HCLS1: variants seen among roughly 807,000 people sequenced by gnomAD.
The protein encoded by HCLS1 is hematopoietic lineage cell-specific protein.
In HCLS1, 44 loss-of-function variants were observed where a neutral mutation model predicts 68.6. The observed-to-expected ratio is 0.64, with a 90% CI of 0.50 to 0.82. HCLS1 has a LOEUF of 0.82. Among genes scored for constraint, HCLS1 ranks in the 40% least tolerant of loss-of-function variants. HCLS1 has a pLI of 0.00. For missense variants in HCLS1, 602 were observed against 612.1 expected, an observed-to-expected ratio of 0.98 and a Z score of 0.17; for synonymous variants, 217 against 225.8, an observed-to-expected ratio of 0.96 and a Z score of 0.35.
chr3:121,633,936 G>A (rs754813274), intron 10 of HCLS1, among the ~76,000 whole-genome samples: 7 of 152,170 alleles, frequency 4.6e-5, no homozygotes, highest in Non-Finnish European at 7.3e-5. Context: ...CTGAAGTGAC[G>A]GCCCCTTCCT....
chr3:121,656,230 T>C (rs948983995), intron 3 of HCLS1: 2 of 152,322 alleles, frequency 1.3e-5, no homozygotes, highest in African/African-American at 4.8e-5. Flanking sequence ...AGTATGTTGC[T>C]TGTGCAATGT....
chr3:121,658,854 G>C (rs1234711948), intron 1 of HCLS1, among the ~76,000 whole-genome samples: 13 of 152,166 alleles, frequency 8.5e-5, no homozygotes, highest in Non-Finnish European at 4.4e-5. Context: ...ACTACACTGA[G>C]AATTTTTCCA....
chr3:121,632,440 A>T lies in HCLS1; in HGVS notation c.1132T>A (p.Tyr378Asn). ...CTGTCCATCTCCTCAACGTCCTCATAGTCATTCTCAGGCTCGGGCTCAGGC... is the reference window on the plus strand; with the variant it reads ...CTGTCCATCTCCTCAACGTCCTCATTGTCATTCTCAGGCTCGGGCTCAGGC... Reference protein sequence around the residue: ...PEPEPEPENDYEDVEEMDRHE... With the variant: ...PEPEPEPENDNEDVEEMDRHE... Residue 378 changes from tyrosine (Y) to asparagine (N), a missense_variant, in exon 12 of 14, where the codon TAT (tyrosine) becomes AAT (asparagine). Coordinates refer to ENST00000314583, the MANE Select transcript of HCLS1 (RefSeq NM_005335.6). The T allele has an allele frequency of 6.7e-7, 1 of 1,495,402 alleles. No homozygotes were observed. The highest frequency in any genetic ancestry group is 9.2e-7 in the Non-Finnish European group (1 of 1,086,508). 92.6% of individuals were successfully genotyped at this position (1,495,402 alleles called of 1,614,324 possible). A position where few individuals can be genotyped will look rare whatever the true frequency, so the allele number is the denominator to read the frequency against.
chr3:121,636,218 T>A (rs557606670), intron 8 of HCLS1, among the ~76,000 whole-genome samples: 1 of 152,336 alleles, frequency 6.6e-6, no homozygotes, highest in Admixed American at 6.5e-5. Context: ...TGTCTCTCTG[T>A]ATGCCTCTCC....
chr3:121,635,273 CT>C, intron 9 of HCLS1, among the ~76,000 whole-genome samples: 1 of 141,144 alleles, frequency 7.1e-6, no homozygotes, highest in Non-Finnish European at 1.5e-5. Context: ...CTCTCTCTCT[CT>C]CCTCTCTCTC....
intron 10 of HCLS1, among the ~76,000 whole-genome samples, chr3:121,633,959 A>G (rs1466065771): frequency 6.6e-6 from 1 of 152,240 alleles, no homozygotes; most frequent in Non-Finnish European, 1.5e-5. Context: ...TAGTTCCTAC[A>G]GCAATAATTG....
At chr3:121,647,579 A>T in intron 3 of HCLS1, 131 bp from the exon 4 acceptor site, 1 of 816,476 alleles carries the variant, frequency 1.2e-6, no homozygotes. Flanking sequence ...AAAATATACT[A>T]GTGATGGGTC....
chr3:121,635,046 C>T (rs1560137274), intron 9 of HCLS1, among the ~76,000 whole-genome samples: 3 of 151,992 alleles, frequency 2.0e-5, no homozygotes, highest in South Asian at 2.1e-4. Context: ...CAACCTCATC[C>T]GAAACTCCTG....
chr3:121,647,193 G>T, intron 4 of HCLS1, 126 bp downstream of exon 4: 1 of 893,126 alleles, frequency 1.1e-6, no homozygotes, highest in Non-Finnish European at 1.7e-6. Context: ...GTGTTAGCCA[G>T]GATGGTCTCG....
chr3:121,658,389 G>C (rs750428338), intron 1 of HCLS1, 42 bp from the exon 2 acceptor site: 2 of 1,444,888 alleles, frequency 1.4e-6, no homozygotes, highest in Non-Finnish European at 1.9e-6. Flanking sequence ...GACAAAAAAG[G>C]ATCAAGAGGA....
intron 6 of HCLS1, among the ~76,000 whole-genome samples, chr3:121,637,726 G>T (rs1265668969): frequency 6.6e-6 from 1 of 152,146 alleles, no homozygotes; most frequent in African/African-American, 2.4e-5. Context: ...CCTGAGGTCA[G>T]GAATTTGAGA....
intron 3 of HCLS1, among the ~76,000 whole-genome samples, chr3:121,649,051 T>C (rs531498247): frequency 6.7e-4 from 102 of 152,274 alleles, no homozygotes; most frequent in African/African-American, 2.3e-3. Context: ...GGGTTATAAC[T>C]ATATTATAGT....
At chr3:121,644,197 G>A (rs574270892) in intron 5 of HCLS1, 14 of 170,010 alleles carry the variant, frequency 8.2e-5, no homozygotes, top group Admixed American at 2.7e-4. Context: ...CAAAGAATCC[G>A]ACCTAATAAG....
chr3:121,647,263 G>A (rs1171819612), intron 4 of HCLS1, 56 bp downstream of exon 4: 2 of 1,590,180 alleles, frequency 1.3e-6, no homozygotes, highest in Non-Finnish European at 8.6e-7. Context: ...TTACAGGCGT[G>A]AGCCACCGCA....
At chr3:121,632,283 C>T (rs567045866) in intron 12 of HCLS1, 49 bp downstream of exon 12, 22 of 1,605,566 alleles carry the variant, frequency 1.4e-5, no homozygotes, top group Non-Finnish European at 1.5e-5. Flanking sequence ...TTCCTCTTAC[C>T]CTCCCCTGGA....
At chr3:121,651,586 A>G (rs1306536024) in intron 3 of HCLS1, among the ~76,000 whole-genome samples, 1 of 152,034 alleles carries the variant, frequency 6.6e-6, no homozygotes, top group Non-Finnish European at 1.5e-5. Flanking sequence ...ACAGCCAGCC[A>G]ATTTTTAATT....
chr3:121,650,221 A>G (rs1447409907), intron 3 of HCLS1, among the ~76,000 whole-genome samples: 1 of 152,228 alleles, frequency 6.6e-6, no homozygotes, highest in Admixed American at 6.5e-5. Flanking sequence ...GGAAAACTCA[A>G]TATCATTAAG....
At chr3:121,650,983 A>G (rs1303969891) in intron 3 of HCLS1, among the ~76,000 whole-genome samples, 2 of 152,142 alleles carry the variant, frequency 1.3e-5, no homozygotes, top group East Asian at 3.9e-4. Context: ...CAAAAATACA[A>G]AAATTAGCTG....
rs2049151092 is a variant in HCLS1, at chr3:121,636,333, C to T, written c.621+101G>A. 3.1e-6 allele frequency: 3 copies of T among 972,772 alleles called. No homozygotes were observed. In the East Asian group the frequency reaches 7.2e-5, roughly 23 times the overall value. 60.3% of individuals were successfully genotyped at this position (972,772 alleles called of 1,614,324 possible). A position where few individuals can be genotyped will look rare whatever the true frequency, so the allele number is the denominator to read the frequency against. On this transcript the variant is annotated intron_variant, in intron 8 of 13. Transcript: ENST00000314583. Reference sequence around the variant, plus strand: ...CAGGACAGGCTCTGTGTGCCCAGCACCACCGTCCCCTCCCTCTCCCAGCCT... The same window carrying T: ...CAGGACAGGCTCTGTGTGCCCAGCATCACCGTCCCCTCCCTCTCCCAGCCT...
Sources: allele counts gnomAD v4.1 joint callset (sites outside exome capture counted in the v4.1 genomes callset), GRCh38; gene constraint gnomAD v4.1.1; transcripts MANE v1.5; gene names NCBI Gene and HGNC (gene_info 2026-07-23, HGNC 2026-07-21).